The following NOS2 variants were observed in gnomAD, a reference collection of about 807,000 sequenced individuals.
The protein encoded by NOS2 is nitric oxide synthase, inducible.
Under a neutral mutation model 136.0 loss-of-function variants are expected in NOS2, and 96 were observed. That is an observed-to-expected ratio of 0.71 (90% CI 0.60 to 0.84). The LOEUF (loss-of-function observed/expected upper bound fraction) is 0.84, where lower values mean the gene tolerates loss of function less well. Ranked by LOEUF, NOS2 falls within the 40% of genes least tolerant of loss-of-function variation. The pLI is 0.00. For missense variants in NOS2, 1,237 were observed against 1,496.9 expected (o/e 0.83, Z 2.87); for synonymous variants, 539 against 587.5 (o/e 0.92, Z 1.20).
intron 6 of NOS2, among the ~76,000 whole-genome samples, chr17:27,782,636 T>G (rs1908887830): frequency 6.6e-6 from 1 of 152,226 alleles, no homozygotes; most frequent in African/African-American, 2.4e-5. Context: ...ACAACACATC[T>G]TGCAGCACCA....
chr17:27,782,608 T>C (rs184653115), intron 6 of NOS2, among the ~76,000 whole-genome samples: 136 of 152,332 alleles, frequency 8.9e-4, no homozygotes, highest in Admixed American at 1.6e-3. Flanking sequence ...GAGCCAAGAA[T>C]TCAAGCATTG....
chr17:27,765,349 G>T (rs1908262577), intron 20 of NOS2, among the ~76,000 whole-genome samples, 186 bp downstream of exon 20: 1 of 152,230 alleles, frequency 6.6e-6, no homozygotes, highest in Admixed American at 6.5e-5. Flanking sequence ...GGAAACTAAG[G>T]CCAGGGGGCC....
chr17:27,779,086 G>A, intron 9 of NOS2, 30 bp from the exon 10 acceptor site: 4 of 1,383,148 alleles, frequency 2.9e-6, no homozygotes, highest in Non-Finnish European at 3.8e-6. Flanking sequence ...AATTTAACTG[G>A]GGCCTTCCTT....
Position 27,783,110 on chromosome 17 carries a change from G to A in NOS2, c.468-4C>T. On this transcript the variant is annotated splice_region_variant and splice_polypyrimidine_tract_variant and intron_variant, in intron 5 of 26. Coordinates refer to ENST00000313735, the MANE Select transcript of NOS2 (RefSeq NM_000625.4). ...CAGATGTTCCTCTATTTTTGCCCTG[G>A]GGGACAGGAAGACAGCAGGAAGATC... The A allele has an allele frequency of 6.2e-7, 1 of 1,614,016 alleles. No homozygotes were observed. The highest frequency in any genetic ancestry group is 1.3e-5 in the African/African-American group (1 of 75,028).
In NOS2 at chr17:27,772,424, G is replaced by A. The variant is rs148070104; in HGVS notation, c.1588C>T (p.Arg530Cys). ...CTGACTCGGGACGCCATTGTCTTGC[G>A]CATCAGCATACAGGCAAAGAGCACA... ...KAVLFACMLM[R>C]KTMASRVRVT... Residue 530 changes from arginine to cysteine, a missense_variant, in exon 14 of 27, where the codon CGC (arginine) becomes TGC (cysteine). Transcript: ENST00000313735. 50 of 1,613,982 alleles carry A rather than the reference G, an allele frequency of 3.1e-5. No homozygotes were observed. The highest frequency in any genetic ancestry group is 1.2e-4 in the Admixed American group (7 of 60,016).
At position 27,758,697 on chromosome 17, in the gene NOS2, C is replaced by T. The variant is rs28944207; in HGVS notation, c.3354+184G>A. 1.6e-3 allele frequency among the ~76,000 whole-genome samples: 241 copies of T among 152,284 alleles called. 2 individuals are homozygous for T. Among genetic ancestry groups the T allele is most frequent in the African/African-American group, 5.6e-3 (232 of 41,554 alleles). On this transcript the variant is annotated intron_variant, in intron 26 of 26. Transcript: ENST00000313735. ...GACTTCTCAAAGCTGCCAACTGGTC[C>T]AGGATGTGCAGTAAGGCCATCTGAC...
chr17:27,789,627 G>A lies in NOS2; in HGVS notation c.172C>T (p.Gln58Ter). The change falls in exon 3 of 27, where the codon CAG becomes TAG. Residue 58 changes from glutamine (Q) to a stop codon, truncating the protein, a stop_gained. Coordinates refer to ENST00000313735, the MANE Select transcript of NOS2 (RefSeq NM_000625.4). LOFTEE classifies it high-confidence loss of function. ...NLSKQQNESP[Q>*]PLVETGKKSP... is the part of the protein sequence containing the mutation. ...ACCTTTCCCGTCTCCACGAGGGGCT[G>A]CGGGGACTCATTCTGCTGCTTGCTG... The A allele has an allele frequency of 4.3e-6, 7 of 1,613,938 alleles. No individual in the cohort carries two copies. The highest frequency in any genetic ancestry group is 5.9e-6 in the Non-Finnish European group (7 of 1,179,800).
At position 27,771,005 on chromosome 17, in the gene NOS2, C is replaced by T; in HGVS notation, c.1717G>A (p.Asp573Asn). Reference protein sequence around the residue: ...CAFNPKVVCMDKYRLSCLEEE... With the variant: ...CAFNPKVVCMNKYRLSCLEEE... ...TCCAGGCAGCTCAGCCTGTACTTATCCATGCAGACAACCTGGATGGCACCC... is the reference window on the plus strand; with the variant it reads ...TCCAGGCAGCTCAGCCTGTACTTATTCATGCAGACAACCTGGATGGCACCC... Residue 573 changes from aspartate (D) to asparagine (N), a missense_variant, in exon 15 of 27, where the codon GAT becomes AAT. Around this residue, in one of 3 missense-constraint regions of NOS2, gnomAD observed 782 missense variants for 909.9 expected, o/e 0.86. Coordinates refer to ENST00000313735, the MANE Select transcript of NOS2 (RefSeq NM_000625.4). 6.2e-7 allele frequency: 1 copy of T among 1,613,944 alleles called. No individual in the cohort carries two copies. Among genetic ancestry groups the T allele is most frequent in the East Asian group, 2.2e-5 (1 of 44,874 alleles).
At chr17:27,760,799 C>A in intron 23 of NOS2, 55 bp from the exon 24 acceptor site, 1 of 1,520,970 alleles carries the variant, frequency 6.6e-7, no homozygotes. Flanking sequence ...GGCCCACGCA[C>A]ACACAGGATG....
Position 27,781,002 on chromosome 17 carries a change from C to A in NOS2, c.864+34G>T, listed in dbSNP as rs769973565. On this transcript the variant is annotated intron_variant, in intron 8 of 26. Coordinates refer to ENST00000313735, the MANE Select transcript of NOS2 (RefSeq NM_000625.4). ...ACTCGCTCACCACGGGGCTCCCCGCCCCAATGGCCGGTGGCTGAGGCTGGG... is the reference window on the plus strand; with the variant it reads ...ACTCGCTCACCACGGGGCTCCCCGCACCAATGGCCGGTGGCTGAGGCTGGG... 9 of 1,607,064 alleles carry A rather than the reference C, an allele frequency of 5.6e-6. No homozygotes were observed. The South Asian group carries it at 7.8e-5, about 14-fold the overall frequency.
chr17:27,791,403 C>T (rs1300260681), intron 2 of NOS2, among the ~76,000 whole-genome samples: 2 of 152,178 alleles, frequency 1.3e-5, no homozygotes, highest in African/African-American at 2.4e-5. Flanking sequence ...GATAGCTTGT[C>T]GTCCTCCCCA....
chr17:27,775,686 T>G (rs1290817524), intron 11 of NOS2, among the ~76,000 whole-genome samples: 1 of 151,616 alleles, frequency 6.6e-6, no homozygotes, highest in Non-Finnish European at 1.5e-5. Context: ...GAGGCTGATG[T>G]GGTAAGAGCA....
At chr17:27,791,787 C>T (rs148537480) in intron 2 of NOS2, among the ~76,000 whole-genome samples, 22 of 113,622 alleles carry the variant, frequency 1.9e-4, no homozygotes, top group African/African-American at 7.0e-4. Flanking sequence ...CAAAACAAAA[C>T]AAAACAAAAC....
chr17:27,791,470 C>T (rs1028366868), intron 2 of NOS2, among the ~76,000 whole-genome samples: 1 of 152,180 alleles, frequency 6.6e-6, no homozygotes, highest in Non-Finnish European at 1.5e-5. Context: ...TCACCTTAGC[C>T]TGTCCTAAGC....
intron 10 of NOS2, 22 bp downstream of exon 10, chr17:27,778,860 C>T (rs756477209): frequency 3.1e-6 from 5 of 1,610,568 alleles, no homozygotes; most frequent in East Asian, 4.5e-5. Flanking sequence ...CTTCATCTGG[C>T]CAGCTGGGCT....
At chr17:27,771,670 T>G (rs1908499350) in intron 14 of NOS2, among the ~76,000 whole-genome samples, 1 of 152,224 alleles carries the variant, frequency 6.6e-6, no homozygotes, top group South Asian at 2.1e-4. Context: ...CCAGAAGCCG[T>G]GCGACCCTGG....
At position 27,758,795 on chromosome 17, in the gene NOS2, C is replaced by A. The variant is rs377401589; in HGVS notation, c.3354+86G>T. 1.6e-4 allele frequency: 177 copies of A among 1,086,030 alleles called. No homozygotes were observed. In the East Asian group the frequency reaches 3.7e-3, roughly 23 times the overall value. 67.3% of individuals were successfully genotyped at this position (1,086,030 alleles called of 1,614,324 possible). ...CCAGAACCTTTCTGGGCCTGATTCCCCTGGGTCTACCTGCCACCCCTGGTC... is the reference window on the plus strand; with the variant it reads ...CCAGAACCTTTCTGGGCCTGATTCCACTGGGTCTACCTGCCACCCCTGGTC... On this transcript the variant is annotated intron_variant, in intron 26 of 26. Transcript: ENST00000313735.
At chr17:27,793,299 C>A (rs985369796) in intron 2 of NOS2, among the ~76,000 whole-genome samples, 2 of 152,142 alleles carry the variant, frequency 1.3e-5, no homozygotes, top group East Asian at 3.9e-4. Context: ...CAACTTTCAA[C>A]CCCAGTGCTG....
At position 27,769,021 on chromosome 17, in the gene NOS2, C is replaced by A. The variant is rs1908401152; in HGVS notation, c.1990G>T (p.Gly664Trp). The part of the protein sequence containing the change: ...TPMGEGDELS[G>W]QEDAFRSWAV... ...CAGCTGCGGAAGGCGTCCTCCTGCC[C>A]ACTGAGCTCATCCCCTTCTCCCATC... The change falls in exon 17 of 27, where the codon GGG (glycine) becomes TGG (tryptophan). Residue 664 changes from glycine to tryptophan, a missense_variant. Gly to Trp is a radical substitution (Grantham distance 184, BLOSUM62 -2). Coordinates refer to ENST00000313735, the MANE Select transcript of NOS2 (RefSeq NM_000625.4). 1 of 1,612,296 alleles carries A rather than the reference C, an allele frequency of 6.2e-7. No individual in the cohort carries two copies. Among genetic ancestry groups the A allele is most frequent in the African/African-American group, 1.3e-5 (1 of 74,912 alleles).
Sources: gnomAD v4.1 joint callset for allele counts (sites outside exome capture counted in the v4.1 genomes callset) on GRCh38, gnomAD v4.1.1 for gene constraint, gnomAD v4.1.1 regional missense constraint, MANE v1.5 for transcripts, NCBI Gene and HGNC (gene_info 2026-07-23, HGNC 2026-07-21) for gene names.